Variants in PAWR observed in about 807,000 individuals in gnomAD.
PAWR encodes the protein PRKC apoptosis WT1 regulator protein.
In PAWR, 23 loss-of-function variants were observed where a neutral mutation model predicts 32.0. The observed-to-expected ratio is 0.72, with a 90% CI of 0.52 to 1.02. The LOEUF is 1.02. Ranked by LOEUF, PAWR falls within the 50% of genes least tolerant of loss-of-function variation. PAWR has a pLI of 0.00. For missense variants in PAWR, 457 were observed against 437.7 expected, an observed-to-expected ratio of 1.04 and a Z score of -0.39; for synonymous variants, 226 against 187.1, an observed-to-expected ratio of 1.21 and a Z score of -1.70.
At chr12:79,629,790 G>A (rs1001184310) in intron 2 of PAWR, among the ~76,000 whole-genome samples, 3 of 152,054 alleles carry the variant, frequency 2.0e-5, no homozygotes, top group Non-Finnish European at 4.4e-5. Flanking sequence ...TACCAAGAAT[G>A]TTCTTTGACC....
At chr12:79,649,051 T>C (rs1003640726) in intron 2 of PAWR, among the ~76,000 whole-genome samples, 26 of 152,128 alleles carry the variant, frequency 1.7e-4, no homozygotes, top group Non-Finnish European at 1.0e-4. Flanking sequence ...AGTTGGTAAA[T>C]ACCACTGGCC....
chr12:79,658,169 C>A (rs1877183228), intron 2 of PAWR, among the ~76,000 whole-genome samples: 1 of 152,130 alleles, frequency 6.6e-6, no homozygotes, highest in Non-Finnish European at 1.5e-5. Flanking sequence ...AAGAAAAACA[C>A]AGGAATCCTA....
intron 4 of PAWR, chr12:79,597,057 C>CT (rs571008109): frequency 0.014 from 1,880 of 137,204 alleles, 37 homozygotes; most frequent in African/African-American, 0.04. Flanking sequence ...CCCAGATTAT[C>CT]TTTTTTTTTT....
At chr12:79,686,662 A>G (rs1050260710) in intron 2 of PAWR, among the ~76,000 whole-genome samples, 1 of 152,154 alleles carries the variant, frequency 6.6e-6, no homozygotes, top group Admixed American at 6.6e-5. Context: ...TTAATATACT[A>G]TACAAACAAT....
At chr12:79,637,880 T>C (rs1027775099) in intron 2 of PAWR, among the ~76,000 whole-genome samples, 1 of 152,186 alleles carries the variant, frequency 6.6e-6, no homozygotes, top group Non-Finnish European at 1.5e-5. Flanking sequence ...CATCTTTCTA[T>C]GAGAACTAGT....
At chr12:79,675,024 G>C (rs1878093363) in intron 2 of PAWR, among the ~76,000 whole-genome samples, 1 of 152,098 alleles carries the variant, frequency 6.6e-6, no homozygotes, top group Non-Finnish European at 1.5e-5. Context: ...ACTTAAAACA[G>C]AACTACCATC....
chr12:79,658,551 G>A (rs1451595185), intron 2 of PAWR, among the ~76,000 whole-genome samples: 1 of 152,128 alleles, frequency 6.6e-6, no homozygotes, highest in African/African-American at 2.4e-5. Context: ...AATTTAATCA[G>A]TAAATTAAAT....
intron 2 of PAWR, among the ~76,000 whole-genome samples, chr12:79,682,494 A>G (rs1180009913): frequency 6.6e-6 from 1 of 152,216 alleles, no homozygotes; most frequent in African/African-American, 2.4e-5. Context: ...TATCATTGAA[A>G]AATACACTGT....
At chr12:79,687,162 T>G (rs1469421880) in intron 2 of PAWR, among the ~76,000 whole-genome samples, 8 of 152,202 alleles carry the variant, frequency 5.3e-5, no homozygotes, top group African/African-American at 1.9e-4. Context: ...TTAAAGAAGC[T>G]CTGGATAGAT....
At chr12:79,598,347 A>T (rs1247332600) in intron 4 of PAWR, among the ~76,000 whole-genome samples, 2 of 152,240 alleles carry the variant, frequency 1.3e-5, no homozygotes, top group Non-Finnish European at 2.9e-5. Context: ...TTTTAATAGC[A>T]ATCAGAGAAA....
intron 2 of PAWR, among the ~76,000 whole-genome samples, chr12:79,681,589 CA>C (rs1204061329): frequency 2.0e-5 from 3 of 151,924 alleles, no homozygotes; most frequent in Admixed American, 1.3e-4. Context: ...CAAGTAGATT[CA>C]AAAAAATAAG....
At chr12:79,686,858 C>A (rs994114146) in intron 2 of PAWR, among the ~76,000 whole-genome samples, 2 of 152,100 alleles carry the variant, frequency 1.3e-5, no homozygotes, top group African/African-American at 2.4e-5. Context: ...ACTGTTAACT[C>A]AGTACTTAAA....
At position 79,622,849 on chromosome 12, in the gene PAWR, A is replaced by T. The variant is rs373507483; in HGVS notation, c.517-1642T>A. ...CAGGAGACTAGTATCTTTTGCCAGC[A>T]TACACAAGCTAACGTGTTAGCCAGC... On this transcript the variant is annotated intron_variant, in intron 2 of 6. Transcript: ENST00000328827. 3.3e-3 allele frequency among the ~76,000 whole-genome samples: 499 copies of T among 152,312 alleles called. 3 individuals are homozygous for T. Among genetic ancestry groups the T allele is most frequent in the Non-Finnish European group, 4.6e-3 (314 of 68,016 alleles).
intron 2 of PAWR, among the ~76,000 whole-genome samples, chr12:79,670,314 T>A (rs900599527): frequency 3.9e-5 from 6 of 152,172 alleles, no homozygotes; most frequent in Non-Finnish European, 8.8e-5. Context: ...TTGAATTGTA[T>A]CCTCAAAGAT....
chr12:79,629,983 A>T (rs1449154847), intron 2 of PAWR, among the ~76,000 whole-genome samples: 6 of 152,236 alleles, frequency 3.9e-5, no homozygotes, highest in Admixed American at 6.5e-5. Context: ...TTAGAAGAAA[A>T]TTTATAACAA....
intron 2 of PAWR, among the ~76,000 whole-genome samples, chr12:79,651,174 A>G (rs1413890833): frequency 3.3e-5 from 5 of 152,222 alleles, no homozygotes; most frequent in Non-Finnish European, 7.3e-5. Flanking sequence ...GCATAATCAC[A>G]TAAATAAAAA....
chr12:79,600,946 A>T (rs763868032), intron 4 of PAWR, among the ~76,000 whole-genome samples: 2 of 152,118 alleles, frequency 1.3e-5, no homozygotes, highest in African/African-American at 4.8e-5. Flanking sequence ...GATGATGACA[A>T]GTCAAAATGC....
Position 79,641,449 on chromosome 12 carries a change from C to A in PAWR, c.517-20242G>T, listed in dbSNP as rs1309828412. On this transcript the variant is annotated intron_variant, in intron 2 of 6. Coordinates refer to ENST00000328827, the MANE Select transcript of PAWR (RefSeq NM_002583.4). Reference sequence around the variant, plus strand: ...AGAGCCTATTCTCTTAACTATGAGACCACATTTACTGTTTTATGACAATTA... The same window carrying A: ...AGAGCCTATTCTCTTAACTATGAGAACACATTTACTGTTTTATGACAATTA... 3.3e-5 allele frequency among the ~76,000 whole-genome samples: 5 copies of A among 152,184 alleles called. No individual in the cohort carries two copies. The East Asian group carries it at 9.6e-4, about 29-fold the overall frequency.
intron 2 of PAWR, among the ~76,000 whole-genome samples, chr12:79,684,111 T>G (rs1471872111): frequency 6.6e-6 from 1 of 152,094 alleles, no homozygotes; most frequent in Non-Finnish European, 1.5e-5. Flanking sequence ...ACCACTGAAC[T>G]GTACACTTTA....
Sources: gnomAD v4.1 joint callset for allele counts (sites outside exome capture counted in the v4.1 genomes callset) on GRCh38, gnomAD v4.1.1 for gene constraint, MANE v1.5 for transcripts, NCBI Gene and HGNC (gene_info 2026-07-23, HGNC 2026-07-21) for gene names.